The following TMPRSS12 variants were observed in gnomAD, a reference collection of about 807,000 sequenced individuals.
TMPRSS12 encodes transmembrane serine protease 12.
TMPRSS12 carries 25 observed loss-of-function variants against 26.0 expected under a neutral mutation model. That is an observed-to-expected ratio of 0.96 (90% CI 0.70 to 1.34). The LOEUF is 1.34. TMPRSS12 is among the 40% of genes most tolerant of loss of function. TMPRSS12 has a pLI of 0.00. For synonymous variants in TMPRSS12, 150 were observed against 161.7 expected (o/e 0.93, Z 0.55); for missense variants, 441 against 440.1 (o/e 1.00, Z -0.02).
intron 4 of TMPRSS12, chr12:50,887,045 C>T: frequency 2.1e-6 from 1 of 465,754 alleles, no homozygotes. Flanking sequence ...ATTTATCTAC[C>T]AGCTATATGG....
At chr12:50,864,100 C>T (rs1937964767) in intron 3 of TMPRSS12, among the ~76,000 whole-genome samples, 2 of 152,148 alleles carry the variant, frequency 1.3e-5, no homozygotes, top group Non-Finnish European at 2.9e-5. Context: ...TAGAAATTCC[C>T]TCTCCCCAAA....
At chr12:50,852,463 TGCAGTG>T (rs1237232085) in intron 2 of TMPRSS12, among the ~76,000 whole-genome samples, 1 of 152,182 alleles carries the variant, frequency 6.6e-6, no homozygotes, top group East Asian at 1.9e-4. Flanking sequence ...CAGGCTGGAG[TGCAGTG>T]GCACAATCTT....
At chr12:50,874,111 C>A (rs1272581023) in intron 3 of TMPRSS12, among the ~76,000 whole-genome samples, 3 of 151,616 alleles carry the variant, frequency 2.0e-5, no homozygotes, top group South Asian at 2.1e-4. Flanking sequence ...TTAAAAAAAA[C>A]CCAAGCCCAG....
intron 3 of TMPRSS12, among the ~76,000 whole-genome samples, chr12:50,870,341 A>AG (rs1938030739): frequency 6.6e-6 from 1 of 151,700 alleles, no homozygotes; most frequent in African/African-American, 2.4e-5. Flanking sequence ...ACAGAATTAA[A>AG]AAAAAAAATC....
chr12:50,872,596 G>GTA lies in TMPRSS12; in HGVS notation c.653-12646_653-12645dup, dbSNP rs140996037. On this transcript the variant is annotated intron_variant, in intron 3 of 4. Coordinates refer to ENST00000398458, the MANE Select transcript of TMPRSS12 (RefSeq NM_182559.3). ...CCATATATATGTACATATATATGAC[G>GTA]TATATGTACATATATATGACGTATA... 3.1e-3 allele frequency among the ~76,000 whole-genome samples: 277 copies of GTA among 90,688 alleles called. 8 individuals carry two copies. The highest frequency in any genetic ancestry group is 0.013 in the African/African-American group (258 of 20,326). The allele number at this position is 90,688 out of a possible 152,430, so 59.5% of individuals were successfully genotyped here.
intron 2 of TMPRSS12, among the ~76,000 whole-genome samples, chr12:50,850,723 C>G (rs1472672411): frequency 6.6e-6 from 1 of 152,206 alleles, no homozygotes; most frequent in African/African-American, 2.4e-5. Context: ...CACTGCTGCC[C>G]TGCTACTGCT....
intron 3 of TMPRSS12, among the ~76,000 whole-genome samples, chr12:50,868,178 G>C (rs183178292): frequency 4.9e-4 from 75 of 152,242 alleles, no homozygotes; most frequent in Admixed American, 1.4e-3. Context: ...TGACCTAAAT[G>C]CTCCACTTAA....
intron 3 of TMPRSS12, among the ~76,000 whole-genome samples, chr12:50,880,803 A>G (rs1300235306): frequency 6.6e-6 from 1 of 152,062 alleles, no homozygotes; most frequent in Non-Finnish European, 1.5e-5. Context: ...ACACTATCCC[A>G]CAACAAAAAG....
At chr12:50,870,886 C>T (rs1307530001) in intron 3 of TMPRSS12, among the ~76,000 whole-genome samples, 2 of 148,834 alleles carry the variant, frequency 1.3e-5, no homozygotes, top group African/African-American at 5.0e-5. Flanking sequence ...ATATACCTAA[C>T]AAAGGAGGCA....
At chr12:50,862,723 G>T (rs527564885) in intron 3 of TMPRSS12, among the ~76,000 whole-genome samples, 1 of 151,844 alleles carries the variant, frequency 6.6e-6, no homozygotes, top group Non-Finnish European at 1.5e-5. Flanking sequence ...ATGGAATTTC[G>T]CCATGTTGGC....
At chr12:50,875,489 C>CAAAAAAAAAAAA (rs56816598) in intron 3 of TMPRSS12, among the ~76,000 whole-genome samples, 13 of 69,468 alleles carry the variant, frequency 1.9e-4, no homozygotes, top group South Asian at 1.5e-3. Context: ...GACTCCATCT[C>CAAAAAAAAAAAA]AAAAAAAAAA....
In TMPRSS12 at chr12:50,885,384, G is replaced by T; in HGVS notation, c.791G>T (p.Cys264Phe). ...GATGAAGATGGAGCTTTTGATACTT[G>T]CAGGGTAAGACCAAGTAATTTTCCT... The part of the protein sequence containing the change: ...AGDEDGAFDT[C>F]RGDSGGPLMC... Residue 264 changes from cysteine (C) to phenylalanine (F), a missense_variant, in exon 4 of 5, where the codon TGC becomes TTC. By Grantham distance (205) the Cys-to-Phe change is radical. Coordinates refer to ENST00000398458, the MANE Select transcript of TMPRSS12 (RefSeq NM_182559.3). 6.2e-7 allele frequency: 1 copy of T among 1,613,798 alleles called. No homozygotes were observed. The highest frequency in any genetic ancestry group is 8.5e-7 in the Non-Finnish European group (1 of 1,179,834).
rs1408325370 is a variant in TMPRSS12, at chr12:50,842,972, T to C, written c.8T>C (p.Leu3Pro). The C allele has an allele frequency of 3.8e-6, 6 of 1,587,446 alleles. No homozygotes were observed. Among genetic ancestry groups the C allele is most frequent in the Non-Finnish European group, 5.1e-6 (6 of 1,165,808 alleles). Residue 3 changes from leucine (L) to proline (P), a missense_variant, in exon 1 of 5, where the codon CTG (leucine) becomes CCG (proline). Physicochemically the swap from Leu to Pro is moderately conservative, Grantham distance 98. Coordinates refer to ENST00000398458, the MANE Select transcript of TMPRSS12 (RefSeq NM_182559.3). ...TGCTCACCAGCCTCCAAAATGCGGC[T>C]GGGGCTCCTGAGCGTGGCGCTGTTG... MR[L>P]GLLSVALLFV...
intron 3 of TMPRSS12, among the ~76,000 whole-genome samples, chr12:50,863,700 C>A (rs1937960273): frequency 6.6e-6 from 1 of 151,988 alleles, no homozygotes; most frequent in South Asian, 2.1e-4. Context: ...AAGTATATAA[C>A]AATGAAATGA....
chr12:50,887,533 A>G lies in TMPRSS12; in HGVS notation c.*20A>G. ...ACATAAAGAAATTCTGAAGGCTTTC[A>G]TATCTTTATTTTGCATTGTGTCCCT... On this transcript the variant is annotated 3_prime_UTR_variant, in exon 5 of 5. Transcript: ENST00000398458. 1 of 1,603,226 alleles carries G rather than the reference A, an allele frequency of 6.2e-7. No homozygotes were observed. Among genetic ancestry groups the G allele is most frequent in the Non-Finnish European group, 8.5e-7 (1 of 1,175,626 alleles).
chr12:50,883,520 C>CA (rs1938195465), intron 3 of TMPRSS12, among the ~76,000 whole-genome samples: 1 of 151,804 alleles, frequency 6.6e-6, no homozygotes, highest in South Asian at 2.1e-4. Context: ...CTCAACTCTA[C>CA]AAAAAATTTA....
At chr12:50,850,897 G>A (rs1341937167) in intron 2 of TMPRSS12, among the ~76,000 whole-genome samples, 1 of 152,202 alleles carries the variant, frequency 6.6e-6, no homozygotes, top group Non-Finnish European at 1.5e-5. Context: ...CCATGAGCCT[G>A]TCCCAGTCCC....
chr12:50,847,247 C>T (rs913904341), intron 2 of TMPRSS12, among the ~76,000 whole-genome samples: 2 of 151,874 alleles, frequency 1.3e-5, no homozygotes, highest in Middle Eastern at 3.4e-3. Flanking sequence ...TTAGTAGAGA[C>T]GGGGTTTCAC....
At chr12:50,854,307 T>C (rs1283937855) in intron 2 of TMPRSS12, among the ~76,000 whole-genome samples, 1 of 152,120 alleles carries the variant, frequency 6.6e-6, no homozygotes, top group Non-Finnish European at 1.5e-5. Context: ...TAAAGGAACA[T>C]ACCTCAAAAT....
Sources: allele counts gnomAD v4.1 joint callset (sites outside exome capture counted in the v4.1 genomes callset), GRCh38; gene constraint gnomAD v4.1.1; transcripts MANE v1.5; gene names NCBI Gene and HGNC (gene_info 2026-07-23, HGNC 2026-07-21).